Variants in PIK3CD observed in about 807,000 individuals in gnomAD.
PIK3CD encodes the protein phosphatidylinositol 4,5-bisphosphate 3-kinase catalytic subunit delta isoform.
Under a neutral mutation model 122.9 loss-of-function variants are expected in PIK3CD, and 20 were observed. That is an observed-to-expected ratio of 0.16 (90% CI 0.11 to 0.24). The LOEUF is 0.24. PIK3CD is among the 10% of genes least tolerant of loss of function. PIK3CD has a pLI of 1.00. For missense variants in PIK3CD, 787 were observed against 1,406.3 expected (o/e 0.56, Z 7.04); for synonymous variants, 596 against 593.4 (o/e 1.00, Z -0.06).
rs142574428 is a variant in PIK3CD, at chr1:9,693,574, A to G, written c.-33+2003A>G. Among the ~76,000 whole-genome samples the G allele has an allele frequency of 1.1e-4, 17 of 152,204 alleles. No homozygotes were observed. The East Asian group carries it at 3.3e-3, about 29-fold the overall frequency. ...TAAAACTTGACTTTTATTTATTAGT[A>G]AGTATTATTATAGACTTTGACATAA... On this transcript the variant is annotated intron_variant, in intron 2 of 23. Coordinates refer to ENST00000377346, the MANE Select transcript of PIK3CD (RefSeq NM_005026.5).
chr1:9,727,822 TGA>T lies in PIK3CD; in HGVS notation c.*779_*780del, dbSNP rs1261244911. 1 of 184,146 alleles carries T rather than the reference TGA, an allele frequency of 5.4e-6. No homozygotes were observed. Among genetic ancestry groups the T allele is most frequent in the African/African-American group, 2.4e-5 (1 of 42,408 alleles). The allele number at this position is 184,146 out of a possible 1,614,324, so 11.4% of individuals were successfully genotyped here. ...ATCTCAAAAATCTTTTTTTTTTTTT[TGA>T]GATGGGGTCTTCCTCTGTTGCCCAG... On this transcript the variant is annotated 3_prime_UTR_variant, in exon 24 of 24. Transcript: ENST00000377346.
chr1:9,726,807 C>A, intron 23 of PIK3CD, 102 bp from the exon 24 acceptor site: 1 of 1,438,678 alleles, frequency 7.0e-7, no homozygotes, highest in Admixed American at 1.9e-5. Context: ...GAGCTCTCTA[C>A]TAACCATTTC....
At chr1:9,726,839 C>A in intron 23 of PIK3CD, 70 bp from the exon 24 acceptor site, 2 of 1,593,066 alleles carry the variant, frequency 1.3e-6, no homozygotes, top group Non-Finnish European at 1.7e-6. Flanking sequence ...CTGAAGTCCC[C>A]AGAGAGGGAC....
the PIK3CD span, among the ~76,000 whole-genome samples, chr1:9,638,216 TGG>T: frequency 6.6e-6 from 1 of 152,006 alleles, no homozygotes; most frequent in Non-Finnish European, 1.5e-5. Flanking sequence ...AACCTAAAGA[TGG>T]GTCTAGGAAA....
At chr1:9,630,635 C>T in the PIK3CD span, among the ~76,000 whole-genome samples, 44 of 152,232 alleles carry the variant, frequency 2.9e-4, no homozygotes, top group Non-Finnish European at 5.1e-4. Context: ...AGGGCCCCTT[C>T]GGGCAAGGGG....
Position 9,704,011 on chromosome 1 carries a change from A to T in PIK3CD, c.-32-6413A>T, listed in dbSNP as rs542509516. The stretch of plus-strand genomic sequence containing the variant: ...TTCTGAAGTCCCTGTACTCACTGGC[A>T]TCTCTGTCCTGTACATATCAGAGAG... On this transcript the variant is annotated intron_variant, in intron 2 of 23. Coordinates refer to ENST00000377346, the MANE Select transcript of PIK3CD (RefSeq NM_005026.5). This position sits in a 1 kb window ranked among gnomAD's most constrained non-coding sequence, Gnocchi z 5.0. Among the ~76,000 whole-genome samples the T allele has an allele frequency of 6.6e-5, 10 of 152,270 alleles. No homozygotes were observed. Among genetic ancestry groups the T allele is most frequent in the African/African-American group, 2.4e-4 (10 of 41,550 alleles).
chr1:9,643,554 T>G, the PIK3CD span, among the ~76,000 whole-genome samples: 1 of 152,114 alleles, frequency 6.6e-6, no homozygotes, highest in African/African-American at 2.4e-5. Flanking sequence ...AGCAGAAACA[T>G]CCAATCCTGC....
intron 1 of PIK3CD, among the ~76,000 whole-genome samples, chr1:9,679,377 T>C (rs9430636): frequency 0.55 from 82,696 of 151,694 alleles, 23,096 homozygotes; most frequent in African/African-American, 0.68. Flanking sequence ...CTGGGGGAAA[T>C]TTCTATAGAG....
At chr1:9,716,305 T>C (rs1171787907) in intron 5 of PIK3CD, 135 bp from the exon 6 acceptor site, 2 of 928,332 alleles carry the variant, frequency 2.2e-6, no homozygotes, top group African/African-American at 1.6e-5. Flanking sequence ...TGTTCATTCT[T>C]TGAACAAATA....
chr1:9,707,598 A>C (rs894809529), intron 2 of PIK3CD, among the ~76,000 whole-genome samples: 2 of 151,968 alleles, frequency 1.3e-5, no homozygotes, highest in Non-Finnish European at 2.9e-5. Flanking sequence ...CTTATAGGTG[A>C]GAACATATGG....
chr1:9,632,001 ATCTT>A, the PIK3CD span, among the ~76,000 whole-genome samples: 1 of 76,128 alleles, frequency 1.3e-5, no homozygotes, highest in Non-Finnish European at 2.5e-5. Context: ...TCCTTCTTCT[ATCTT>A]TCTTTTTTTT....
At chr1:9,706,635 G>C (rs1286680183) in intron 2 of PIK3CD, among the ~76,000 whole-genome samples, 4 of 152,070 alleles carry the variant, frequency 2.6e-5, no homozygotes, top group Admixed American at 1.3e-4. Context: ...ACACACACCA[G>C]ATTTCAAAGA....
At chr1:9,644,978 C>T in the PIK3CD span, among the ~76,000 whole-genome samples, 2 of 151,686 alleles carry the variant, frequency 1.3e-5, no homozygotes, top group Non-Finnish European at 2.9e-5. Context: ...TTCCGCAGAG[C>T]TTGCCCAGAT....
At chr1:9,662,787 C>T (rs1645046087) in intron 1 of PIK3CD, among the ~76,000 whole-genome samples, 1 of 152,112 alleles carries the variant, frequency 6.6e-6, no homozygotes, top group Non-Finnish European at 1.5e-5. Context: ...CTCCCGCGTC[C>T]TAGCAATTCT....
rs35685570 is a variant in PIK3CD at position 9,723,506 on chromosome 1, C to G, written c.2594+214C>G. Among the ~76,000 whole-genome samples, 1 of 152,176 alleles carries G rather than the reference C, an allele frequency of 6.6e-6. No individual in the cohort carries two copies. The highest frequency in any genetic ancestry group is 1.5e-5 in the Non-Finnish European group (1 of 68,024). ...TCTTGCTATGCAACACCATCCAAAG[C>G]GCAGGGCTTTAAAAAACAGCCATTT... is the stretch of plus-strand genomic sequence containing the variant. On this transcript the variant is annotated intron_variant, in intron 20 of 23. Coordinates refer to ENST00000377346, the MANE Select transcript of PIK3CD (RefSeq NM_005026.5). The surrounding 1 kb of genome is among the most constrained non-coding windows in gnomAD (Gnocchi z 4.9).
At chr1:9,632,450 A>T in the PIK3CD span, among the ~76,000 whole-genome samples, 1 of 152,030 alleles carries the variant, frequency 6.6e-6, no homozygotes, top group Non-Finnish European at 1.5e-5. Flanking sequence ...TCAGCCTCCC[A>T]AGTAACTGGG....
chr1:9,666,266 A>T (rs1570107979), intron 1 of PIK3CD, among the ~76,000 whole-genome samples: 1 of 78,092 alleles, frequency 1.3e-5, no homozygotes, highest in Non-Finnish European at 2.2e-5. Flanking sequence ...TTTGAGGTGG[A>T]GTCTCACTCT....
chr1:9,663,416 G>A (rs60617786), intron 1 of PIK3CD, among the ~76,000 whole-genome samples: 2,333 of 152,156 alleles, frequency 0.015, 60 homozygotes, highest in African/African-American at 0.053. Flanking sequence ...TGTGGGGCCC[G>A]TATCCCCTCA....
rs141467281 is a variant in PIK3CD at position 9,715,177 on chromosome 1, AAAAAT to A, written c.142-355_142-351del. 0.023 allele frequency among the ~76,000 whole-genome samples: 3,544 copies of A among 152,266 alleles called. 148 individuals are homozygous for A. The highest frequency in any genetic ancestry group is 0.08 in the African/African-American group (3,321 of 41,532). On this transcript the variant is annotated intron_variant, in intron 3 of 23. Transcript: ENST00000377346. This position sits in a 1 kb window ranked among gnomAD's most constrained non-coding sequence, Gnocchi z 4.1. ...GGGCGACAGAGTGGGACTCCATCTC[AAAAAT>A]AAAATAAATAGGTGAAGAACTCCAG...
Sources: gnomAD v4.1 joint callset for allele counts (sites outside exome capture counted in the v4.1 genomes callset) on GRCh38, gnomAD v4.1.1 for gene constraint, Gnocchi (gnomAD v3.1) non-coding constraint, MANE v1.5 for transcripts, NCBI Gene and HGNC (gene_info 2026-07-23, HGNC 2026-07-21) for gene names.